The following NRG1 variants were observed in gnomAD, a reference collection of about 807,000 sequenced individuals.
NRG1 encodes the protein pro-neuregulin-1, membrane-bound isoform.
Under a neutral mutation model 63.8 loss-of-function variants are expected in NRG1, and 18 were observed. That is an observed-to-expected ratio of 0.28 (90% CI 0.19 to 0.42). The LOEUF (loss-of-function observed/expected upper bound fraction) is 0.42, where lower values mean the gene tolerates loss of function less well. Among genes scored for constraint, NRG1 ranks in the 10% least tolerant of loss-of-function variants. The probability of loss-of-function intolerance (pLI) is 1.00; values close to 1 mark genes in which losing one functional copy is unlikely to be tolerated. For synonymous variants in NRG1, 302 were observed against 301.3 expected, an observed-to-expected ratio of 1.00 and a Z score of -0.02; for missense variants, 762 against 814.7, an observed-to-expected ratio of 0.94 and a Z score of 0.79.
chr8:31,750,699 C>G (rs567148677), intron 1 of NRG1, among the ~76,000 whole-genome samples: 2 of 151,978 alleles, frequency 1.3e-5, no homozygotes, highest in East Asian at 3.9e-4. Flanking sequence ...AAGTGACTAT[C>G]TACATTTTTA....
Position 32,549,799 on chromosome 8 carries a change from G to A in NRG1, c.100+973G>A, listed in dbSNP as rs190801424. Among the ~76,000 whole-genome samples, 33 of 152,318 alleles carry A rather than the reference G, an allele frequency of 2.2e-4. 2 individuals are homozygous for A. The highest frequency in any genetic ancestry group is 2.1e-3 in the East Asian group (11 of 5,182). ...GCATGTCGAATAAATACTTGTTTAT[G>A]AGTGATTGGTAGGTAGCTGATAAAA... On this transcript the variant is annotated intron_variant, in intron 1 of 11. Transcript: ENST00000356819.
chr8:32,754,223 T>A (rs1465529655), intron 7 of NRG1, 149 bp from the exon 8 acceptor site: 3 of 686,004 alleles, frequency 4.4e-6, no homozygotes, highest in East Asian at 5.5e-5. Context: ...ATGTTGTACC[T>A]TAGCTATGTG....
At chr8:32,052,455 AT>A (rs1018812012) in intron 1 of NRG1, among the ~76,000 whole-genome samples, 15 of 151,072 alleles carry the variant, frequency 9.9e-5, no homozygotes, top group Non-Finnish European at 1.5e-4. Context: ...TTTTATTTGT[AT>A]TTTTTTTAAA....
intron 1 of NRG1, among the ~76,000 whole-genome samples, chr8:31,742,455 ATTTTTTTTT>A (rs36040084): frequency 5.0e-5 from 4 of 80,026 alleles, no homozygotes; most frequent in Non-Finnish European, 7.0e-5. Flanking sequence ...TTTTTTAAGA[ATTTTTTTTT>A]TTTTTTTTTT....
intron 1 of NRG1, among the ~76,000 whole-genome samples, chr8:32,027,103 G>A (rs1420492757): frequency 1.3e-5 from 2 of 151,830 alleles, no homozygotes; most frequent in Non-Finnish European, 2.9e-5. Flanking sequence ...TTTGAATTTT[G>A]TTTTAGTGAA....
intron 1 of NRG1, among the ~76,000 whole-genome samples, chr8:31,975,359 A>T (rs1807993556): frequency 6.6e-6 from 1 of 152,172 alleles, no homozygotes; most frequent in African/African-American, 2.4e-5. Context: ...GAAGAGAATC[A>T]GGAGGTGAGG....
At chr8:32,230,881 A>C (rs1300655939) in intron 1 of NRG1, among the ~76,000 whole-genome samples, 1 of 152,108 alleles carries the variant, frequency 6.6e-6, no homozygotes, top group East Asian at 1.9e-4. Context: ...GAAACAGTCC[A>C]ATTCTCCTCT....
chr8:32,288,051 C>A (rs1853748614), intron 1 of NRG1, among the ~76,000 whole-genome samples: 1 of 152,026 alleles, frequency 6.6e-6, no homozygotes, highest in South Asian at 2.1e-4. Flanking sequence ...GTGATTAGAA[C>A]CAAGACTAAG....
At chr8:32,402,678 A>G (rs1179626699) in intron 1 of NRG1, among the ~76,000 whole-genome samples, 1 of 152,202 alleles carries the variant, frequency 6.6e-6, no homozygotes, top group African/African-American at 2.4e-5. Context: ...GCACAGGAGT[A>G]GCAATGCTGG....
intron 1 of NRG1, among the ~76,000 whole-genome samples, chr8:31,699,586 G>C (rs1810427821): frequency 1.3e-5 from 2 of 152,102 alleles, no homozygotes; most frequent in African/African-American, 2.4e-5. Context: ...CTTCATGCCT[G>C]AGTCTTTCTT....
downstream of NRG1, among the ~76,000 whole-genome samples, chr8:32,772,041 G>GTATATATATATA (rs1157977487): frequency 1.0e-3 from 11 of 10,540 alleles, no homozygotes; most frequent in Non-Finnish European, 2.9e-3. Flanking sequence ...AAAAAAATAT[G>GTATATATATATA]TATATATATA....
chr8:32,471,943 A>G (rs977569878), intron 1 of NRG1, among the ~76,000 whole-genome samples: 1 of 152,362 alleles, frequency 6.6e-6, no homozygotes. Context: ...AAGTGTCTAT[A>G]GAGAAGTGTG....
intron 1 of NRG1, among the ~76,000 whole-genome samples, chr8:32,076,558 G>T (rs1826589728): frequency 1.3e-5 from 2 of 152,038 alleles, no homozygotes; most frequent in Admixed American, 1.3e-4. Flanking sequence ...GCACACACTG[G>T]GGTCTATCGG....
intron 1 of NRG1, among the ~76,000 whole-genome samples, chr8:32,031,680 C>T (rs1371160493): frequency 1.3e-5 from 2 of 152,178 alleles, no homozygotes; most frequent in Non-Finnish European, 2.9e-5. Context: ...TCTTATTGTT[C>T]AGCTCCTACT....
At chr8:32,312,635 G>T (rs554617448) in intron 1 of NRG1, among the ~76,000 whole-genome samples, 1 of 152,000 alleles carries the variant, frequency 6.6e-6, no homozygotes, top group Non-Finnish European at 1.5e-5. Context: ...CCATTCCCAC[G>T]AGAGACCGTC....
chr8:32,166,127 T>C (rs1011179565), intron 1 of NRG1, among the ~76,000 whole-genome samples: 3 of 152,188 alleles, frequency 2.0e-5, no homozygotes, highest in Non-Finnish European at 4.4e-5. Context: ...TGCCAAGTAA[T>C]GACTTATGCT....
chr8:32,548,762 G>GGGCAAGAAGAAGGAGCGAGGCTCC (rs1563619751), exon 1 of NRG1: 3 of 1,590,886 alleles, frequency 1.9e-6, no homozygotes, highest in Non-Finnish European at 8.5e-7. Flanking sequence ...GCAAAGGGAA[G>GGGCAAGAAGAAGGAGCGAGGCTCC]GGCAAGAAGA....
chr8:31,668,906 A>C (rs770226768), intron 1 of NRG1, among the ~76,000 whole-genome samples: 23 of 152,220 alleles, frequency 1.5e-4, no homozygotes, highest in Admixed American at 3.3e-4. Flanking sequence ...TCTTAGGACC[A>C]GAAGTGTTTT....
At position 32,431,749 on chromosome 8, in the gene NRG1, T is replaced by C. The variant is rs191814464; in HGVS notation, c.38-164079T>C. On this transcript the variant is annotated intron_variant, in intron 1 of 10. Transcript: ENST00000519301. ...TGTCAATCTCTCAGGGTTTTTTTTT[T>C]CTGAGGGAAAAAATTACATTTTGTA... 6.3e-3 allele frequency among the ~76,000 whole-genome samples: 946 copies of C among 151,154 alleles called. 11 individuals carry two copies. The highest frequency in any genetic ancestry group is 0.022 in the African/African-American group (901 of 41,284).
Sources: allele counts gnomAD v4.1 joint callset (sites outside exome capture counted in the v4.1 genomes callset), GRCh38; gene constraint gnomAD v4.1.1; transcripts MANE v1.5; gene names NCBI Gene and HGNC (gene_info 2026-07-23, HGNC 2026-07-21).